Variants in FNDC1 observed in about 807,000 individuals in gnomAD.
FNDC1 encodes the protein fibronectin type III domain containing 1.
A neutral mutation model predicts 168.0 loss-of-function variants in FNDC1; 96 were observed. The ratio of observed to expected loss-of-function variants is 0.57; its 90% CI spans 0.48 to 0.68. The LOEUF (loss-of-function observed/expected upper bound fraction) is 0.68. FNDC1 is among the 30% of genes least tolerant of loss of function. The pLI, the probability that FNDC1 is intolerant of heterozygous loss-of-function variation, is 0.00. For missense variants in FNDC1, 2,587 were observed against 2,482.1 expected (o/e 1.04, Z -0.90); for synonymous variants, 1,099 against 1,025.9 (o/e 1.07, Z -1.36).
chr6:159,208,844 ATTTTTTT>A (rs369408600), intron 4 of FNDC1, among the ~76,000 whole-genome samples: 1 of 128,102 alleles, frequency 7.8e-6, no homozygotes. Flanking sequence ...GTTATTTTTA[ATTTTTTT>A]TTTTTTTTTT....
rs182196692 is a variant in FNDC1 at position 159,248,414 on chromosome 6, T to C, written c.4691-625T>C. On this transcript the variant is annotated intron_variant, in intron 15 of 22. Coordinates refer to ENST00000297267, the MANE Select transcript of FNDC1 (RefSeq NM_032532.3). ...TCTGCCTCCTGGGTTCAAGTGATTC[T>C]TTTGCCTCAGCCTCCTGAGTAGCTG... is the stretch of plus-strand genomic sequence containing the variant. 5.9e-5 allele frequency among the ~76,000 whole-genome samples: 9 copies of C among 152,238 alleles called. No individual in the cohort carries two copies. In the East Asian group the frequency reaches 1.7e-3, roughly 29 times the overall value.
chr6:159,171,525 T>G (rs923824627), intron 1 of FNDC1, among the ~76,000 whole-genome samples: 1 of 152,160 alleles, frequency 6.6e-6, no homozygotes, highest in African/African-American at 2.4e-5. Flanking sequence ...ACCACCCTTT[T>G]GGGGCCAGAA....
chr6:159,225,781 T>G, intron 8 of FNDC1, 59 bp downstream of exon 8: 1 of 1,450,978 alleles, frequency 6.9e-7, no homozygotes, highest in Non-Finnish European at 9.4e-7. Flanking sequence ...AAAATAAGAT[T>G]TAAAGACAAT....
At chr6:159,229,675 C>A in intron 9 of FNDC1, 140 bp from the exon 10 acceptor site, 2 of 661,180 alleles carry the variant, frequency 3.0e-6, no homozygotes, top group East Asian at 2.7e-5. Context: ...CTTCATGCTC[C>A]AGCTGGTGAC....
chr6:159,197,627 T>C lies in FNDC1; in HGVS notation c.304+2T>C. The C allele has an allele frequency of 1.2e-6, 2 of 1,607,836 alleles. No homozygotes were observed. Among genetic ancestry groups the C allele is most frequent in the Non-Finnish European group, 1.7e-6 (2 of 1,176,624 alleles). ...ACTCCTTCCTTATTGAGGATGTGGG[T>C]AAGTGACACTCTGATCTTGTTCCCA... On this transcript the variant is annotated splice_donor_variant, in intron 2 of 22. Transcript: ENST00000297267. LOFTEE classifies it high-confidence loss of function.
chr6:159,231,915 A>C lies in FNDC1; in HGVS notation c.1403A>C (p.Asp468Ala). The C allele has an allele frequency of 6.2e-7, 1 of 1,612,360 alleles. No individual in the cohort carries two copies. Among genetic ancestry groups the C allele is most frequent in the Non-Finnish European group, 8.5e-7 (1 of 1,179,468 alleles). Residue 468 changes from aspartate (D) to alanine (A), a missense_variant, in exon 11 of 23, where the codon GAC (aspartate) becomes GCC (alanine). Coordinates refer to ENST00000297267, the MANE Select transcript of FNDC1 (RefSeq NM_032532.3). ...SKADVEQNTEDNGKPEKPEPS... is the reference protein window; with the variant it reads ...SKADVEQNTEANGKPEKPEPS... ...GCGGATGTTGAGCAGAACACGGAGG[A>C]CAATGGGAAACCCGAAAAACCTGAG...
chr6:159,212,614 C>T (rs1041695922), intron 4 of FNDC1, among the ~76,000 whole-genome samples: 4 of 152,194 alleles, frequency 2.6e-5, no homozygotes, highest in Non-Finnish European at 5.9e-5. Context: ...TCTCACTTCA[C>T]TCTGGTTATT....
Position 159,169,718 on chromosome 6 carries a change from C to T in FNDC1, c.109+13C>T. On this transcript the variant is annotated intron_variant, in intron 1 of 22. Coordinates refer to ENST00000297267, the MANE Select transcript of FNDC1 (RefSeq NM_032532.3). The surrounding 1 kb of genome is among the most constrained non-coding windows in gnomAD (Gnocchi z 6.8). ...GCGGCGGCCTCAGGTACGCGCCGCGCCCGGGCCCCCGGCGCTCCTCAGCTC... is the reference window on the plus strand; with the variant it reads ...GCGGCGGCCTCAGGTACGCGCCGCGTCCGGGCCCCCGGCGCTCCTCAGCTC... 9.3e-7 allele frequency: 1 copy of T among 1,072,046 alleles called. No homozygotes were observed. The highest frequency in any genetic ancestry group is 1.2e-6 in the Non-Finnish European group (1 of 864,332). 66.4% of individuals were successfully genotyped at this position (1,072,046 alleles called of 1,614,324 possible).
In FNDC1 at chr6:159,238,642, G is replaced by C. The variant is rs1783325198; in HGVS notation, c.4157G>C (p.Gly1386Ala). The change falls in exon 13 of 23, where the codon GGA (glycine) becomes GCA (alanine). Residue 1386 changes from glycine to alanine, a missense_variant. Physicochemically the swap from Gly to Ala is moderately conservative, Grantham distance 60. Coordinates refer to ENST00000297267, the MANE Select transcript of FNDC1 (RefSeq NM_032532.3). ...GGAAATCCTCTTCGGATTAAACTAG[G>C]AGGAGATGGTCGAACCATTGTAGGT... is the stretch of plus-strand genomic sequence containing the variant. ...SHGNPLRIKL[G>A]GDGRTIVDLE... 6.2e-7 allele frequency: 1 copy of C among 1,607,174 alleles called. No homozygotes were observed. The highest frequency in any genetic ancestry group is 1.3e-5 in the African/African-American group (1 of 74,850).
At chr6:159,213,642 A>T (rs443651) in intron 4 of FNDC1, among the ~76,000 whole-genome samples, 2 of 151,532 alleles carry the variant, frequency 1.3e-5, no homozygotes, top group African/African-American at 4.9e-5. Flanking sequence ...ACATAAGACC[A>T]GTGTGTGTGT....
intron 3 of FNDC1, 54 bp from the exon 4 acceptor site, chr6:159,200,459 G>C: frequency 7.3e-7 from 1 of 1,368,798 alleles, no homozygotes; most frequent in African/African-American, 1.4e-5. Flanking sequence ...ACTGTAATGT[G>C]GAAAACCCAA....
chr6:159,200,908 C>T (rs1583866395), intron 4 of FNDC1, among the ~76,000 whole-genome samples: 1 of 152,262 alleles, frequency 6.6e-6, no homozygotes, highest in East Asian at 1.9e-4. Flanking sequence ...TATAGCTCTT[C>T]TACCAGTGAA....
intron 14 of FNDC1, 131 bp from the exon 15 acceptor site, chr6:159,246,770 G>C: frequency 1.6e-6 from 1 of 638,944 alleles, no homozygotes; most frequent in South Asian, 2.0e-5. Context: ...AAATTATGGA[G>C]ACCCTGGCCT....
chr6:159,221,529 C>A, intron 5 of FNDC1, 69 bp from the exon 6 acceptor site: 1 of 1,271,608 alleles, frequency 7.9e-7, no homozygotes, highest in Non-Finnish European at 1.1e-6. Context: ...ACCCCCGCTC[C>A]AGCCCCAGGG....
intron 22 of FNDC1, among the ~76,000 whole-genome samples, chr6:159,270,339 A>G (rs1583931518): frequency 1.3e-5 from 2 of 152,270 alleles, no homozygotes; most frequent in South Asian, 2.1e-4. Flanking sequence ...GTTTACAAAA[A>G]CATTTAATGT....
In FNDC1 at chr6:159,271,967, T is replaced by A. The variant is rs1443031732; in HGVS notation, c.*525T>A. 6.5e-6 allele frequency: 1 copy of A among 153,434 alleles called. No homozygotes were observed. The highest frequency in any genetic ancestry group is 6.4e-5 in the Admixed American group (1 of 15,520). The allele number at this position is 153,434 out of a possible 1,614,324, so 9.5% of individuals were successfully genotyped here. A position where few individuals can be genotyped will look rare whatever the true frequency, so the allele number is the denominator to read the frequency against. ...CCTACTTGAAATTTACTCTATGGAC[T>A]TACCCACTGCTAGAATAAATGTATC... On this transcript the variant is annotated 3_prime_UTR_variant, in exon 23 of 23. Coordinates refer to ENST00000297267, the MANE Select transcript of FNDC1 (RefSeq NM_032532.3).
At chr6:159,172,946 G>A (rs1399935090) in intron 1 of FNDC1, among the ~76,000 whole-genome samples, 2 of 152,156 alleles carry the variant, frequency 1.3e-5, no homozygotes, top group Non-Finnish European at 2.9e-5. Flanking sequence ...TAGAAACAAA[G>A]CTGCTCTTCT....
At chr6:159,238,460 T>G in intron 12 of FNDC1, 94 bp from the exon 13 acceptor site, 1 of 735,360 alleles carries the variant, frequency 1.4e-6, no homozygotes, top group Non-Finnish European at 2.2e-6. Flanking sequence ...GGTTTCCTTC[T>G]GTGGAAGCTT....
chr6:159,190,499 G>A (rs1250629698), intron 1 of FNDC1, among the ~76,000 whole-genome samples: 1 of 152,208 alleles, frequency 6.6e-6, no homozygotes, highest in Non-Finnish European at 1.5e-5. Flanking sequence ...GGTCTAGGCC[G>A]GTTGCTCTCT....
Sources: gnomAD v4.1 joint callset for allele counts (sites outside exome capture counted in the v4.1 genomes callset) on GRCh38, gnomAD v4.1.1 for gene constraint, Gnocchi (gnomAD v3.1) non-coding constraint, MANE v1.5 for transcripts, NCBI Gene and HGNC (gene_info 2026-07-23, HGNC 2026-07-21) for gene names.